Variants in LYG1 observed in about 807,000 individuals in gnomAD.
The protein encoded by LYG1 is lysozyme g1.
In LYG1, 17 loss-of-function variants were observed where a neutral mutation model predicts 21.7. That is an observed-to-expected ratio of 0.78 (90% CI 0.54 to 1.18). The LOEUF is 1.18. LYG1 is among the 50% of genes most tolerant of loss of function. The pLI is 0.00. For missense variants in LYG1, 211 were observed against 238.1 expected, an observed-to-expected ratio of 0.89 and a Z score of 0.75; for synonymous variants, 81 against 87.4, an observed-to-expected ratio of 0.93 and a Z score of 0.41.
intron 1 of LYG1, among the ~76,000 whole-genome samples, chr2:99,300,231 A>G (rs2094150327): frequency 6.6e-6 from 1 of 152,110 alleles, no homozygotes; most frequent in Non-Finnish European, 1.5e-5. Flanking sequence ...GTAATCAATA[A>G]TTACCAGCCT....
upstream of LYG1, among the ~76,000 whole-genome samples, chr2:99,303,304 A>G (rs1212814620): frequency 6.6e-6 from 1 of 152,134 alleles, no homozygotes; most frequent in East Asian, 1.9e-4. Flanking sequence ...ATTAAAAGGT[A>G]TTACAGTGTG....
At chr2:99,295,738 T>C in intron 2 of LYG1, 36 bp from the exon 3 acceptor site, 9 of 1,585,962 alleles carry the variant, frequency 5.7e-6, no homozygotes, top group Non-Finnish European at 7.8e-6. Context: ...AATACAAAAA[T>C]ATCAGTCATC....
chr2:99,294,209 C>T (rs1208152720), intron 3 of LYG1, among the ~76,000 whole-genome samples: 1 of 152,220 alleles, frequency 6.6e-6, no homozygotes, highest in Non-Finnish European at 1.5e-5. Flanking sequence ...CCACCGCATA[C>T]ACCTGGTTTA....
rs1574876161 is a variant in LYG1, at chr2:99,284,489, C to T, written c.489G>A (p.Gly163=). The change falls in exon 7 of 7, where the codon GGG becomes GGA. Residue 163 remains glycine, a synonymous_variant. Transcript: ENST00000308528. ...GGCTGCTTCGGACATAGCCAGCACC[C>T]CCACTGTAGGCACAGAGTCCACCTG... ...YLRGGLCAYS[G]GAGYVRSSQD... The T allele has an allele frequency of 1.2e-6, 2 of 1,614,158 alleles. No individual in the cohort carries two copies. Among genetic ancestry groups the T allele is most frequent in the East Asian group, 2.2e-5 (1 of 44,882 alleles).
In LYG1 at chr2:99,291,401, G is replaced by T. The variant is rs143653016; in HGVS notation, c.169C>A (p.Leu57Met). The T allele has an allele frequency of 1.8e-5, 29 of 1,614,030 alleles. No homozygotes were observed. Among genetic ancestry groups the T allele is most frequent in the Non-Finnish European group, 2.4e-5 (28 of 1,180,022 alleles). Residue 57 changes from leucine (L) to methionine (M), a missense_variant, in exon 5 of 7, where the codon CTG (leucine) becomes ATG (methionine). Coordinates refer to ENST00000308528, the MANE Select transcript of LYG1 (RefSeq NM_174898.3). ...NYCGVRASER[L>M]AEIDMPYLLK... is the part of the protein sequence containing the mutation. ...AGGTATGGCATGTCTATTTCAGCCAGCCTTTCAGAAGCACGAACTCCTAAA... is the reference window on the plus strand; with the variant it reads ...AGGTATGGCATGTCTATTTCAGCCATCCTTTCAGAAGCACGAACTCCTAAA...
intron 6 of LYG1, 57 bp from the exon 7 acceptor site, chr2:99,284,568 T>C: frequency 6.3e-7 from 1 of 1,595,574 alleles, no homozygotes; most frequent in Middle Eastern, 1.7e-4. Context: ...TTAACTCTGA[T>C]TCTCTTTACT....
chr2:99,291,265 T>G lies in LYG1; in HGVS notation c.305A>C (p.Asn102Thr), dbSNP rs371060473. Reference protein sequence around the residue: ...RKSPGDKILVNMGDRTSMVQD... With the variant: ...RKSPGDKILVTMGDRTSMVQD... Reference sequence around the variant, plus strand: ...CACCATGCTAGTCCTATCGCCCATGTTGACCAGAATTTTGTCACCGGGAGA... The same window carrying G: ...CACCATGCTAGTCCTATCGCCCATGGTGACCAGAATTTTGTCACCGGGAGA... The change falls in exon 5 of 7, where the codon AAC (asparagine) becomes ACC (threonine). Residue 102 changes from asparagine to threonine, a missense_variant. Asn to Thr is a moderately conservative substitution (Grantham distance 65). Transcript: ENST00000308528. 7 of 1,614,068 alleles carry G rather than the reference T, an allele frequency of 4.3e-6. No individual in the cohort carries two copies. The highest frequency in any genetic ancestry group is 5.9e-6 in the Non-Finnish European group (7 of 1,180,028).
chr2:99,303,214 C>G (rs570451977), upstream of LYG1, among the ~76,000 whole-genome samples: 8 of 151,872 alleles, frequency 5.3e-5, no homozygotes, highest in East Asian at 1.6e-3. Flanking sequence ...ACTAATGCAC[C>G]CATTAAAAAC....
intron 5 of LYG1, among the ~76,000 whole-genome samples, chr2:99,285,919 G>C (rs1466955356): frequency 6.6e-6 from 1 of 152,212 alleles, no homozygotes. Context: ...TTGAATGCTT[G>C]TCCCTTGTGA....
At chr2:99,302,289 C>A (rs754552492), upstream of LYG1, among the ~76,000 whole-genome samples, 1 of 152,196 alleles carries the variant, frequency 6.6e-6, no homozygotes, top group Non-Finnish European at 1.5e-5. Flanking sequence ...CATACCACAA[C>A]TCAAACACAA....
Position 99,284,786 on chromosome 2 carries a change from C to G in LYG1, c.368G>C (p.Ser123Thr). Residue 123 changes from serine to threonine, a missense_variant, in exon 6 of 7, where the codon AGT (serine) becomes ACT (threonine). Ser to Thr is a moderately conservative substitution (Grantham distance 58). Transcript: ENST00000308528. ...AGTTGTCTGGGAAACCTGAGACTCA[C>G]TAATCCAGGATGTGGGAGCTTGAGA... is the stretch of plus-strand genomic sequence containing the variant. ...PGSQAPTSWI[S>T]ESQVSQTTEV... 1 of 1,613,512 alleles carries G rather than the reference C, an allele frequency of 6.2e-7. No individual in the cohort carries two copies. The highest frequency in any genetic ancestry group is 1.1e-5 in the South Asian group (1 of 91,056).
intron 5 of LYG1, among the ~76,000 whole-genome samples, chr2:99,289,262 C>G (rs1476147650): frequency 6.6e-6 from 1 of 151,970 alleles, no homozygotes; most frequent in Non-Finnish European, 1.5e-5. Flanking sequence ...GAGTTCGAGA[C>G]CAGCCTGGGC....
intron 6 of LYG1, 57 bp downstream of exon 6, chr2:99,284,631 A>G: frequency 2.5e-6 from 4 of 1,602,550 alleles, no homozygotes; most frequent in Non-Finnish European, 3.4e-6. Flanking sequence ...GCAATGTATT[A>G]TATTTGTCCC....
intron 1 of LYG1, among the ~76,000 whole-genome samples, chr2:99,299,143 T>A (rs1050908414): frequency 1.3e-5 from 2 of 152,000 alleles, no homozygotes; most frequent in Non-Finnish European, 2.9e-5. Context: ...GCCAGGCTGG[T>A]TGAGAACTCC....
rs181647813 is a variant in LYG1, at chr2:99,290,176, A to C, written c.333+1061T>G. Among the ~76,000 whole-genome samples the C allele has an allele frequency of 1.4e-4, 21 of 152,298 alleles. 1 individual carries two copies. In the East Asian group the frequency reaches 4.1e-3, roughly 29 times the overall value. ...CCTGACCCAAATCTAGGGAATTCTT[A>C]TTTCATCTTCAAAGGAAATGGACTC... On this transcript the variant is annotated intron_variant, in intron 5 of 6. Coordinates refer to ENST00000308528, the MANE Select transcript of LYG1 (RefSeq NM_174898.3).
chr2:99,292,279 T>C (rs2094121287), intron 4 of LYG1, among the ~76,000 whole-genome samples: 1 of 151,860 alleles, frequency 6.6e-6, no homozygotes, highest in East Asian at 1.9e-4. Flanking sequence ...GACAGAAACT[T>C]ATCTCAAAAA....
At chr2:99,288,711 G>A (rs951598280) in intron 5 of LYG1, among the ~76,000 whole-genome samples, 11 of 152,122 alleles carry the variant, frequency 7.2e-5, no homozygotes, top group Non-Finnish European at 1.5e-4. Flanking sequence ...TGGGATTACA[G>A]GCACCTGCCA....
chr2:99,291,177 AAAC>A (rs1195792920), intron 5 of LYG1, 57 bp downstream of exon 5: 65 of 1,540,440 alleles, frequency 4.2e-5, no homozygotes, highest in Non-Finnish European at 5.5e-5. Flanking sequence ...ATCATCCAAA[AAAC>A]AAAGCAGTGG....
At chr2:99,296,389 T>C (rs1259631789) in intron 2 of LYG1, among the ~76,000 whole-genome samples, 1 of 152,106 alleles carries the variant, frequency 6.6e-6, no homozygotes, top group Non-Finnish European at 1.5e-5. Context: ...GGTCCCAGGA[T>C]TGAACTCATG....
Sources: gnomAD v4.1 joint callset for allele counts (sites outside exome capture counted in the v4.1 genomes callset) on GRCh38, gnomAD v4.1.1 for gene constraint, MANE v1.5 for transcripts, NCBI Gene and HGNC (gene_info 2026-07-23, HGNC 2026-07-21) for gene names.